The following ROCK2 variants were observed in gnomAD, a reference collection of about 807,000 sequenced individuals.
The protein encoded by ROCK2 is Rho associated coiled-coil containing protein kinase 2.
Under a neutral mutation model 195.1 loss-of-function variants are expected in ROCK2, and 61 were observed. The ratio of observed to expected loss-of-function variants is 0.31; its 90% confidence interval spans 0.25 to 0.39. ROCK2 has a LOEUF of 0.39. Ranked by LOEUF, ROCK2 falls within the 10% of genes least tolerant of loss-of-function variation. The pLI is 1.00. For synonymous variants in ROCK2, 504 were observed against 545.5 expected, an observed-to-expected ratio of 0.92 and a Z score of 1.06; for missense variants, 1,109 against 1,637.4, an observed-to-expected ratio of 0.68 and a Z score of 5.57.
At chr2:11,219,049 T>C (rs1664531539) in intron 9 of ROCK2, 23 bp from the exon 10 acceptor site, 1 of 1,337,598 alleles carries the variant, frequency 7.5e-7, no homozygotes, top group Non-Finnish European at 1.0e-6. Context: ...GGGGAGAAAA[T>C]AAATTTTTTC....
chr2:11,337,054 C>A (rs552157330), intron 1 of ROCK2, among the ~76,000 whole-genome samples: 1 of 152,016 alleles, frequency 6.6e-6, no homozygotes, highest in African/African-American at 2.4e-5. Context: ...ACCAGCCTGG[C>A]CAACATGGTG....
chr2:11,301,593 A>G (rs920535974), intron 1 of ROCK2, among the ~76,000 whole-genome samples: 1 of 151,852 alleles, frequency 6.6e-6, no homozygotes, highest in Non-Finnish European at 1.5e-5. Flanking sequence ...CCTGGCCTAC[A>G]TGGTGAAACC....
intron 4 of ROCK2, among the ~76,000 whole-genome samples, chr2:11,240,527 T>C (rs137986112): frequency 6.6e-6 from 1 of 152,342 alleles, no homozygotes; most frequent in African/African-American, 2.4e-5. Flanking sequence ...AGATAACATA[T>C]TGTATGATTC....
At chr2:11,194,542 A>T (rs1433455104) in intron 28 of ROCK2, among the ~76,000 whole-genome samples, 198 bp from the exon 29 acceptor site, 1 of 152,064 alleles carries the variant, frequency 6.6e-6, no homozygotes, top group Non-Finnish European at 1.5e-5. Context: ...ATTTTAAATA[A>T]GCAAACTGTG....
intron 3 of ROCK2, among the ~76,000 whole-genome samples, chr2:11,281,383 T>C (rs952163628): frequency 6.6e-6 from 1 of 152,176 alleles, no homozygotes; most frequent in Non-Finnish European, 1.5e-5. Context: ...TCCATCACTG[T>C]ACTGAAAGTC....
chr2:11,221,775 G>T (rs868318312), intron 8 of ROCK2, among the ~76,000 whole-genome samples: 1 of 152,040 alleles, frequency 6.6e-6, no homozygotes, highest in South Asian at 2.1e-4. Flanking sequence ...CAAGTCAAAC[G>T]CATTTAAATT....
intron 4 of ROCK2, among the ~76,000 whole-genome samples, chr2:11,245,947 G>A (rs1440237877): frequency 6.6e-6 from 1 of 152,198 alleles, no homozygotes; most frequent in African/African-American, 2.4e-5. Flanking sequence ...TCCTTCCAGT[G>A]TGAACTGCAC....
intron 17 of ROCK2, 55 bp from the exon 18 acceptor site, chr2:11,211,895 C>T (rs1057033290): frequency 3.0e-6 from 4 of 1,337,922 alleles, no homozygotes; most frequent in African/African-American, 3.0e-5. Context: ...CTCACAATTT[C>T]AAAAGCTTTC....
chr2:11,210,388 T>C (rs1393275570), intron 18 of ROCK2, among the ~76,000 whole-genome samples: 1 of 151,996 alleles, frequency 6.6e-6, no homozygotes, highest in African/African-American at 2.4e-5. Flanking sequence ...GATGCAATCA[T>C]GGCTCACTGC....
chr2:11,198,832 A>T, intron 23 of ROCK2, 58 bp from the exon 24 acceptor site: 1 of 970,316 alleles, frequency 1.0e-6, no homozygotes, highest in South Asian at 1.5e-5. Context: ...TTATGTTATA[A>T]AATGATTCAA....
chr2:11,326,782 G>A (rs1213508861), intron 1 of ROCK2, among the ~76,000 whole-genome samples: 1 of 152,154 alleles, frequency 6.6e-6, no homozygotes, highest in Non-Finnish European at 1.5e-5. Context: ...GCAGCATGAG[G>A]AAACATCTCA....
intron 32 of ROCK2, chr2:11,184,858 G>T: frequency 1.5e-6 from 1 of 676,856 alleles, no homozygotes; most frequent in Non-Finnish European, 1.8e-6. Flanking sequence ...CTTTGAATGT[G>T]CTTGTAAGCA....
chr2:11,343,247 G>A (rs529417025), intron 1 of ROCK2, among the ~76,000 whole-genome samples: 2 of 152,160 alleles, frequency 1.3e-5, no homozygotes, highest in African/African-American at 2.4e-5. Context: ...AGCATTCTAC[G>A]GTGCATTTCT....
chr2:11,263,376 A>G (rs887726365), intron 3 of ROCK2, among the ~76,000 whole-genome samples: 2 of 152,142 alleles, frequency 1.3e-5, no homozygotes, highest in South Asian at 2.1e-4. Flanking sequence ...ATCTGGTTGC[A>G]CACACACACA....
chr2:11,277,767 T>C (rs773816520), intron 3 of ROCK2, among the ~76,000 whole-genome samples: 13 of 152,226 alleles, frequency 8.5e-5, no homozygotes, highest in Admixed American at 2.0e-4. Context: ...ATTTTGCAAT[T>C]GTGAATGGTG....
At chr2:11,295,990 G>GAGAGAGAGAGAGA (rs1553313903) in intron 1 of ROCK2, among the ~76,000 whole-genome samples, 2 of 28,420 alleles carry the variant, frequency 7.0e-5, no homozygotes, top group Admixed American at 6.0e-4. Context: ...GAGAGAGAGA[G>GAGAGAGAGAGAGA]GAGAGAGAGA....
chr2:11,254,197 A>G (rs1203234696), intron 3 of ROCK2, among the ~76,000 whole-genome samples: 1 of 152,242 alleles, frequency 6.6e-6, no homozygotes, highest in African/African-American at 2.4e-5. Context: ...CAAAAATGAC[A>G]AAACACACAA....
chr2:11,251,672 T>G (rs1221361550), intron 3 of ROCK2, among the ~76,000 whole-genome samples: 1 of 152,142 alleles, frequency 6.6e-6, no homozygotes, highest in Non-Finnish European at 1.5e-5. Flanking sequence ...TAGGATCTAA[T>G]TAAACTAAAG....
chr2:11,335,610 C>A (rs1172835838), intron 1 of ROCK2, among the ~76,000 whole-genome samples: 5 of 152,090 alleles, frequency 3.3e-5, no homozygotes. Context: ...AATCATTAGA[C>A]CTTAATCATT....
Sources: gnomAD v4.1 joint callset for allele counts (sites outside exome capture counted in the v4.1 genomes callset) on GRCh38, gnomAD v4.1.1 for gene constraint, MANE v1.5 for transcripts, NCBI Gene and HGNC (gene_info 2026-07-23, HGNC 2026-07-21) for gene names.